GPC6: variants seen among roughly 807,000 people sequenced by gnomAD.
The protein encoded by GPC6 is glypican 6.
GPC6 carries 14 observed loss-of-function variants against 55.2 expected under a neutral mutation model. The ratio of observed to expected loss-of-function variants is 0.25; its 90% CI spans 0.17 to 0.40. GPC6 has a LOEUF of 0.40. Among genes scored for constraint, GPC6 ranks in the 10% least tolerant of loss-of-function variants. The pLI is 1.00. For synonymous variants in GPC6, 278 were observed against 259.6 expected (o/e 1.07, Z -0.68); for missense variants, 641 against 708.5 (o/e 0.90, Z 1.08).
intron 1 of GPC6, among the ~76,000 whole-genome samples, chr13:93,416,907 T>C (rs76396963): frequency 0.02 from 3,058 of 152,248 alleles, 116 homozygotes; most frequent in African/African-American, 0.069. Context: ...CCAAGTCTTC[T>C]GACTTCAAGT....
In GPC6 at chr13:93,691,034, T is replaced by C. The variant is rs750772262; in HGVS notation, c.320-139120T>C. ...TCTGACCCATTTTTAATCTATTCGCTTCAGCTTTACTGTCCAGAGCGGTTT... is the reference window on the plus strand; with the variant it reads ...TCTGACCCATTTTTAATCTATTCGCCTCAGCTTTACTGTCCAGAGCGGTTT... On this transcript the variant is annotated intron_variant, in intron 2 of 8. Coordinates refer to ENST00000377047, the MANE Select transcript of GPC6 (RefSeq NM_005708.5). Among the ~76,000 whole-genome samples, 85 of 152,118 alleles carry C rather than the reference T, an allele frequency of 5.6e-4. 3 individuals carry two copies. Among genetic ancestry groups the C allele is most frequent in the Non-Finnish European group, 1.6e-4 (11 of 67,996 alleles).
At chr13:93,533,744 T>C (rs1881952156) in intron 1 of GPC6, among the ~76,000 whole-genome samples, 1 of 152,056 alleles carries the variant, frequency 6.6e-6, no homozygotes, top group African/African-American at 2.4e-5. Context: ...CTTCCTGGGG[T>C]AGTTGATGGA....
upstream of GPC6, among the ~76,000 whole-genome samples, chr13:93,224,512 A>G (rs1041477678): frequency 2.0e-5 from 3 of 152,148 alleles, no homozygotes; most frequent in Admixed American, 6.5e-5. Flanking sequence ...TTCCTCTTGT[A>G]TGGCATTTAT....
intron 2 of GPC6, among the ~76,000 whole-genome samples, chr13:93,683,339 G>T (rs1881927286): frequency 6.6e-6 from 1 of 151,786 alleles, no homozygotes. Context: ...TCTTGTCAAA[G>T]AGGTTCCACA....
At chr13:94,126,639 T>C (rs1886827454) in intron 4 of GPC6, among the ~76,000 whole-genome samples, 1 of 152,112 alleles carries the variant, frequency 6.6e-6, no homozygotes, top group Non-Finnish European at 1.5e-5. Flanking sequence ...AATAGAAGGG[T>C]AAAAATAGGA....
intron 4 of GPC6, among the ~76,000 whole-genome samples, chr13:94,229,590 TTTAG>T (rs1890659384): frequency 6.6e-6 from 1 of 152,128 alleles, no homozygotes; most frequent in Non-Finnish European, 1.5e-5. Context: ...TGTGCAAGTA[TTTAG>T]GGTAGGGTAG....
At chr13:93,945,907 T>G (rs926540170) in intron 3 of GPC6, among the ~76,000 whole-genome samples, 1 of 152,246 alleles carries the variant, frequency 6.6e-6, no homozygotes, top group Non-Finnish European at 1.5e-5. Context: ...TGTTCACCAA[T>G]GATATCAGTC....
In GPC6 at chr13:93,335,871, C is replaced by G. The variant is rs186430094; in HGVS notation, c.160+108255C>G. ...TTTGTTCTGATTACTTATCAGCAAA[C>G]AAATCTTTTAGACTGCCTTGTAGTT... On this transcript the variant is annotated intron_variant, in intron 1 of 8. Coordinates refer to ENST00000377047, the MANE Select transcript of GPC6 (RefSeq NM_005708.5). 1.1e-3 allele frequency among the ~76,000 whole-genome samples: 164 copies of G among 152,296 alleles called. 1 individual carries two copies. The highest frequency in any genetic ancestry group is 3.8e-3 in the African/African-American group (158 of 41,584).
At chr13:93,521,501 T>C (rs2139400081) in intron 1 of GPC6, among the ~76,000 whole-genome samples, 1 of 152,110 alleles carries the variant, frequency 6.6e-6, no homozygotes, top group East Asian at 1.9e-4. Flanking sequence ...CAGGTGCTTG[T>C]GAACGCTGGT....
intron 1 of GPC6, among the ~76,000 whole-genome samples, chr13:93,474,736 G>A (rs1301092365): frequency 6.6e-6 from 1 of 152,214 alleles, no homozygotes; most frequent in Non-Finnish European, 1.5e-5. Flanking sequence ...CTTGCAGTCT[G>A]TCCGGGTTTT....
At chr13:93,438,342 A>G (rs1198837894) in intron 1 of GPC6, among the ~76,000 whole-genome samples, 4 of 152,174 alleles carry the variant, frequency 2.6e-5, no homozygotes, top group Non-Finnish European at 5.9e-5. Context: ...GGTGATTTCT[A>G]TGAGGCATCT....
At chr13:93,283,809 C>T (rs1878027582) in intron 1 of GPC6, among the ~76,000 whole-genome samples, 1 of 152,172 alleles carries the variant, frequency 6.6e-6, no homozygotes, top group Non-Finnish European at 1.5e-5. Flanking sequence ...TACATTGATT[C>T]ACATCCTGAT....
intron 1 of GPC6, among the ~76,000 whole-genome samples, chr13:93,269,050 C>T (rs926009697): frequency 2.6e-5 from 4 of 151,994 alleles, no homozygotes; most frequent in African/African-American, 9.7e-5. Context: ...AATAAGGTAA[C>T]AATTATTAAA....
intron 7 of GPC6, among the ~76,000 whole-genome samples, chr13:94,397,309 G>A (rs1195720556): frequency 6.6e-6 from 1 of 152,004 alleles, no homozygotes; most frequent in East Asian, 1.9e-4. Context: ...AGAGTAAGGA[G>A]TCAGAGAGGG....
chr13:93,727,181 G>A (rs916827511), intron 2 of GPC6, among the ~76,000 whole-genome samples: 9 of 152,086 alleles, frequency 5.9e-5, no homozygotes, highest in African/African-American at 7.2e-5. Flanking sequence ...TAATCAGAGA[G>A]ATGTGTAACT....
intron 7 of GPC6, among the ~76,000 whole-genome samples, chr13:94,392,662 C>T (rs2139220466): frequency 6.8e-6 from 1 of 147,502 alleles, no homozygotes; most frequent in East Asian, 2.0e-4. Context: ...CTCTCGACCT[C>T]AGGTGATCCA....
chr13:94,144,547 A>G (rs9516357), intron 4 of GPC6, among the ~76,000 whole-genome samples: 29,745 of 149,088 alleles, frequency 0.2, 3,670 homozygotes, highest in South Asian at 0.29. Context: ...GTGTGTGTGT[A>G]TGTGTGTGTG....
chr13:94,318,448 A>T (rs1876651251), intron 6 of GPC6, among the ~76,000 whole-genome samples: 1 of 152,202 alleles, frequency 6.6e-6, no homozygotes, highest in African/African-American at 2.4e-5. Flanking sequence ...TAATAATAAA[A>T]TAGGACAGTT....
intron 1 of GPC6, among the ~76,000 whole-genome samples, chr13:93,493,945 CTG>C (rs1176106055): frequency 1.1e-5 from 1 of 94,786 alleles, no homozygotes; most frequent in Admixed American, 1.1e-4. Context: ...ACTTCCAACT[CTG>C]TGGTCAATTT....
Sources: gnomAD v4.1 joint callset for allele counts (sites outside exome capture counted in the v4.1 genomes callset) on GRCh38, gnomAD v4.1.1 for gene constraint, MANE v1.5 for transcripts, NCBI Gene and HGNC (gene_info 2026-07-23, HGNC 2026-07-21) for gene names.